Variants in GPC5 observed in about 807,000 individuals in gnomAD.
GPC5 encodes the protein glypican 5.
In GPC5, 47 loss-of-function variants were observed where a neutral mutation model predicts 53.9. That is an observed-to-expected ratio of 0.87 (90% confidence interval 0.69 to 1.11). The LOEUF (loss-of-function observed/expected upper bound fraction) is 1.11, where lower values mean the gene tolerates loss of function less well. Ranked by LOEUF, GPC5 falls within the 50% of genes most tolerant of loss-of-function variation. GPC5 has a pLI of 0.00. For synonymous variants in GPC5, 286 were observed against 263.3 expected, an observed-to-expected ratio of 1.09 and a Z score of -0.84; for missense variants, 748 against 713.1, an observed-to-expected ratio of 1.05 and a Z score of -0.56.
intron 6 of GPC5, among the ~76,000 whole-genome samples, chr13:91,913,396 C>CA (rs112059435): frequency 0.089 from 8,994 of 100,876 alleles, 418 homozygotes; most frequent in African/African-American, 0.17. Context: ...AAGACTCTGT[C>CA]AAAAAAAAAA....
intron 7 of GPC5, among the ~76,000 whole-genome samples, chr13:92,627,332 C>T (rs534774633): frequency 1.3e-5 from 2 of 152,286 alleles, no homozygotes; most frequent in South Asian, 4.1e-4. Flanking sequence ...AATTACTCAG[C>T]GTGGCAGCTA....
chr13:91,718,673 T>C (rs139488602), intron 3 of GPC5, among the ~76,000 whole-genome samples: 435 of 152,296 alleles, frequency 2.9e-3, no homozygotes, highest in Non-Finnish European at 3.4e-3. Context: ...ACCAAATTAA[T>C]AGCACAGTTT....
intron 7 of GPC5, chr13:92,720,118 A>G (rs1045054387): frequency 6.6e-6 from 1 of 152,098 alleles, no homozygotes; most frequent in Non-Finnish European, 1.5e-5. Flanking sequence ...AGATAAGCAT[A>G]CTCTATCTAC....
At chr13:92,469,518 T>C (rs1878829457) in intron 7 of GPC5, among the ~76,000 whole-genome samples, 1 of 152,158 alleles carries the variant, frequency 6.6e-6, no homozygotes, top group Non-Finnish European at 1.5e-5. Context: ...TGATTAAGAC[T>C]AGAATTCTTA....
At chr13:92,407,004 T>C (rs1875823117) in intron 7 of GPC5, among the ~76,000 whole-genome samples, 1 of 152,204 alleles carries the variant, frequency 6.6e-6, no homozygotes. Context: ...GTTTGAATAA[T>C]AAATTTGAAG....
At position 92,346,503 on chromosome 13, in the gene GPC5, G is replaced by A. The variant is rs181442770; in HGVS notation, c.1561+201514G>A. Among the ~76,000 whole-genome samples the A allele has an allele frequency of 6.2e-4, 95 of 152,198 alleles. 1 individual carries two copies. The highest frequency in any genetic ancestry group is 2.2e-3 in the African/African-American group (90 of 41,520). ...ACACATAACAAGATCTGCCTGCCTG[G>A]GATTGTCACCAACTGGCCTTTCCAG... is the stretch of plus-strand genomic sequence containing the variant. On this transcript the variant is annotated intron_variant, in intron 7 of 7. Transcript: ENST00000377067.
chr13:91,983,331 G>A (rs938140865), intron 6 of GPC5, among the ~76,000 whole-genome samples: 1 of 144,214 alleles, frequency 6.9e-6, no homozygotes, highest in African/African-American at 2.5e-5. Context: ...GGGCGACAGA[G>A]CCAGACCCTG....
chr13:91,784,121 T>C (rs1384883799), intron 5 of GPC5, among the ~76,000 whole-genome samples: 3 of 152,132 alleles, frequency 2.0e-5, no homozygotes, highest in South Asian at 4.1e-4. Flanking sequence ...GTGAGGAACA[T>C]GTACTGCCAT....
intron 2 of GPC5, among the ~76,000 whole-genome samples, chr13:91,526,536 A>C (rs1886093935): frequency 6.6e-6 from 1 of 152,210 alleles, no homozygotes; most frequent in South Asian, 2.1e-4. Context: ...CCTAGAACTT[A>C]TATTTAATTT....
At chr13:91,721,063 C>CCCTT (rs2036452777) in intron 3 of GPC5, among the ~76,000 whole-genome samples, 4 of 147,304 alleles carry the variant, frequency 2.7e-5, no homozygotes, top group African/African-American at 1.0e-4. Flanking sequence ...TTCCTTCCTT[C>CCCTT]CCTTTCTTTC....
At chr13:92,325,376 C>A (rs189945421) in intron 7 of GPC5, among the ~76,000 whole-genome samples, 22 of 152,028 alleles carry the variant, frequency 1.4e-4, no homozygotes, top group Non-Finnish European at 2.9e-4. Context: ...CCAGTCAAAC[C>A]GAACTTGCTA....
chr13:91,608,646 A>G (rs2033449370), intron 2 of GPC5, among the ~76,000 whole-genome samples: 1 of 152,166 alleles, frequency 6.6e-6, no homozygotes, highest in South Asian at 2.1e-4. Flanking sequence ...AGCAGATTGT[A>G]TCATCTTAAA....
chr13:92,762,985 A>G (rs922118040), intron 7 of GPC5, among the ~76,000 whole-genome samples: 13 of 151,588 alleles, frequency 8.6e-5, no homozygotes, highest in African/African-American at 2.7e-4. Flanking sequence ...TCTCTTTATT[A>G]AATTTCTCAT....
At chr13:92,237,151 T>C (rs1396837896) in intron 7 of GPC5, among the ~76,000 whole-genome samples, 1 of 152,174 alleles carries the variant, frequency 6.6e-6, no homozygotes, top group Non-Finnish European at 1.5e-5. Flanking sequence ...CAAATCACTT[T>C]AGCTTTTGCT....
intron 6 of GPC5, among the ~76,000 whole-genome samples, chr13:91,956,244 A>G (rs2040072481): frequency 6.6e-6 from 1 of 151,236 alleles, no homozygotes; most frequent in African/African-American, 2.4e-5. Context: ...TTGGCTCCTG[A>G]GTGCTTTTTC....
chr13:91,770,704 T>TTGTGTGCGTG (rs1555345850), intron 5 of GPC5, among the ~76,000 whole-genome samples: 6 of 145,554 alleles, frequency 4.1e-5, no homozygotes, highest in Non-Finnish European at 9.1e-5. Context: ...GACTGTGTGT[T>TTGTGTGCGTG]TGTGTGTGTG....
At chr13:91,870,128 C>T (rs563344187) in intron 5 of GPC5, among the ~76,000 whole-genome samples, 22 of 152,148 alleles carry the variant, frequency 1.4e-4, no homozygotes, top group East Asian at 1.9e-4. Context: ...TGGCCTAACA[C>T]GCTCCATCAG....
chr13:92,584,069 C>T (rs192856847), intron 7 of GPC5, among the ~76,000 whole-genome samples: 105 of 152,112 alleles, frequency 6.9e-4, no homozygotes, highest in Non-Finnish European at 1.3e-3. Context: ...TTATCAGCAG[C>T]GTGAAAAGGG....
In GPC5 at chr13:92,107,302, G is replaced by GT. The variant is rs545724600; in HGVS notation, c.1402-37518dup. 3.6e-3 allele frequency among the ~76,000 whole-genome samples: 533 copies of GT among 147,794 alleles called. 3 individuals are homozygous for GT. Among genetic ancestry groups the GT allele is most frequent in the African/African-American group, 0.01 (416 of 40,376 alleles). On this transcript the variant is annotated intron_variant, in intron 6 of 7. Transcript: ENST00000377067. ...TTGTTATTTTTATCAAAACAGCTGA[G>GT]TTTTTTTTTTCATTCAAATTGGCAG...
Sources: gnomAD v4.1 joint callset for allele counts (sites outside exome capture counted in the v4.1 genomes callset) on GRCh38, gnomAD v4.1.1 for gene constraint, MANE v1.5 for transcripts, NCBI Gene and HGNC (gene_info 2026-07-23, HGNC 2026-07-21) for gene names.